Variants in TRPM4 observed in about 807,000 individuals in gnomAD.
TRPM4 encodes calcium-activated non-selective cation channel 1.
TRPM4 carries 124 observed loss-of-function variants against 135.6 expected under a neutral mutation model. The ratio of observed to expected loss-of-function variants is 0.91; its 90% CI spans 0.79 to 1.06. TRPM4 has a LOEUF of 1.06. Ranked by LOEUF, TRPM4 falls within the 50% of genes least tolerant of loss-of-function variation. TRPM4 has a pLI of 0.00. For synonymous variants in TRPM4, 745 were observed against 705.6 expected, an observed-to-expected ratio of 1.06 and a Z score of -0.88; for missense variants, 1,658 against 1,671.4, an observed-to-expected ratio of 0.99 and a Z score of 0.14.
intron 12 of TRPM4, among the ~76,000 whole-genome samples, chr19:49,186,256 A>G (rs1176392674): frequency 6.6e-6 from 1 of 152,208 alleles, no homozygotes; most frequent in Non-Finnish European, 1.5e-5. Flanking sequence ...CCGTGGCTGT[A>G]TATTGAAGCA....
At chr19:49,182,073 C>CATCCATCT (rs1311977310) in intron 10 of TRPM4, among the ~76,000 whole-genome samples, 4,223 of 142,094 alleles carry the variant, frequency 0.03, 229 homozygotes, top group African/African-American at 0.098. Flanking sequence ...TCCATCCATC[C>CATCCATCT]ATCCATCCAT....
At chr19:49,161,320 T>TC (rs1354233368) in intron 2 of TRPM4, among the ~76,000 whole-genome samples, 27 of 103,762 alleles carry the variant, frequency 2.6e-4, no homozygotes, top group East Asian at 5.6e-4. Context: ...TCTGTCTCTC[T>TC]CTCTTTTTTT....
At chr19:49,187,146 C>T (rs1968226496) in intron 12 of TRPM4, among the ~76,000 whole-genome samples, 1 of 151,616 alleles carries the variant, frequency 6.6e-6, no homozygotes, top group Non-Finnish European at 1.5e-5. Flanking sequence ...TAAAATGTCA[C>T]AGTACCCTCT....
chr19:49,188,173 T>C, intron 12 of TRPM4, among the ~76,000 whole-genome samples: 1 of 152,192 alleles, frequency 6.6e-6, no homozygotes, highest in East Asian at 1.9e-4. Flanking sequence ...ATGAACAGAA[T>C]TCCTTCCCAA....
chr19:49,158,477 G>A (rs2041562318), intron 2 of TRPM4: 2 of 584,326 alleles, frequency 3.4e-6, no homozygotes, highest in Non-Finnish European at 6.1e-6. Flanking sequence ...CAGTGTAGAC[G>A]CTCCAGGGCT....
At position 49,161,266 on chromosome 19, in the gene TRPM4, TTG is replaced by T. The variant is rs373514139; in HGVS notation, c.92+3021_92+3022del. Among the ~76,000 whole-genome samples, 348 of 150,726 alleles carry T rather than the reference TTG, an allele frequency of 2.3e-3. 1 individual carries two copies. Among genetic ancestry groups the T allele is most frequent in the African/African-American group, 8.1e-3 (334 of 41,100 alleles). On this transcript the variant is annotated intron_variant, in intron 2 of 24. Transcript: ENST00000252826. The stretch of plus-strand genomic sequence containing the variant: ...TCTATAGCCAATTGTGTGCGTGTGT[TTG>T]TGTGTGTGTGTGTTTAGAAGAGCAT...
chr19:49,157,833 C>T lies in TRPM4; in HGVS notation c.-34C>T, dbSNP rs1378757677. ...AGCCGGCGGAGGGAGCGCCGGGGCC[C>T]TGGGCTGCAGGAGGTTGCGGCGGCC... On this transcript the variant is annotated 5_prime_UTR_variant, in exon 1 of 25. Coordinates refer to ENST00000252826, the MANE Select transcript of TRPM4 (RefSeq NM_017636.4). 1.3e-6 allele frequency: 2 copies of T among 1,534,072 alleles called. No individual in the cohort carries two copies. The highest frequency in any genetic ancestry group is 2.4e-5 in the East Asian group (1 of 40,892).
chr19:49,200,837 C>G lies in TRPM4; in HGVS notation c.2953+52C>G, dbSNP rs999034344. On this transcript the variant is annotated intron_variant, in intron 19 of 24. Coordinates refer to ENST00000252826, the MANE Select transcript of TRPM4 (RefSeq NM_017636.4). ...TTCCTCTGAGTCTCTGTCCCCGCTC[C>G]CTGGGTCTCTGTCCTCCTGGCTCTA... 4.4e-6 allele frequency: 7 copies of G among 1,591,664 alleles called. No homozygotes were observed. In the African/African-American group the frequency reaches 5.4e-5, roughly 12 times the overall value.
chr19:49,163,676 G>A (rs1324500239), intron 2 of TRPM4, among the ~76,000 whole-genome samples: 1 of 151,862 alleles, frequency 6.6e-6, no homozygotes, highest in African/African-American at 2.4e-5. Context: ...AATTTTTTTT[G>A]TAGGGATGGG....
Position 49,200,452 on chromosome 19 carries a change from A to C in TRPM4, c.2778+20A>C, listed in dbSNP as rs1368597163. ...AAGATGGTGAGGCAGGGGCGGGGCC[A>C]AAGTGGGCGGGGACATAGGGAAAGG... On this transcript the variant is annotated intron_variant, in intron 18 of 24. Coordinates refer to ENST00000252826, the MANE Select transcript of TRPM4 (RefSeq NM_017636.4). The C allele has an allele frequency of 6.2e-7, 1 of 1,611,582 alleles. No individual in the cohort carries two copies. Among genetic ancestry groups the C allele is most frequent in the Admixed American group, 1.7e-5 (1 of 59,862 alleles).
intron 17 of TRPM4, 32 bp downstream of exon 17, chr19:49,196,906 C>T: frequency 6.5e-7 from 1 of 1,542,186 alleles, no homozygotes; most frequent in Non-Finnish European, 8.7e-7. Flanking sequence ...AACCCTGGCC[C>T]CTGGCCACCT....
intron 17 of TRPM4, among the ~76,000 whole-genome samples, chr19:49,198,341 A>T (rs1415354879): frequency 6.6e-6 from 1 of 152,160 alleles, no homozygotes; most frequent in Non-Finnish European, 1.5e-5. Flanking sequence ...AAATGGAAAG[A>T]TCTCAGCTTA....
Position 49,171,259 on chromosome 19 carries a change from A to C in TRPM4, c.797-98A>C. ...GAGCCTCTGAACAGAAGATTAGGAC[A>C]AGGCTGATGTTTGCCGACTCCTGGG... On this transcript the variant is annotated intron_variant, in intron 6 of 24. Coordinates refer to ENST00000252826, the MANE Select transcript of TRPM4 (RefSeq NM_017636.4). This position sits in a 1 kb window ranked among gnomAD's most constrained non-coding sequence, Gnocchi z 4.7. The C allele has an allele frequency of 8.0e-7, 1 of 1,250,462 alleles. No homozygotes were observed. Among genetic ancestry groups the C allele is most frequent in the Non-Finnish European group, 1.2e-6 (1 of 848,818 alleles). 77.5% of individuals were successfully genotyped at this position (1,250,462 alleles called of 1,614,324 possible). A position where few individuals can be genotyped will look rare whatever the true frequency, so the allele number is the denominator to read the frequency against.
Position 49,171,770 on chromosome 19 carries a change from G to C in TRPM4, c.1050+1G>C, listed in dbSNP as rs775091137. 1 of 1,608,394 alleles carries C rather than the reference G, an allele frequency of 6.2e-7. No individual in the cohort carries two copies. Among genetic ancestry groups the C allele is most frequent in the South Asian group, 1.1e-5 (1 of 90,996 alleles). ...GGACCTTGAGGTCCTGCAGGCCCAG[G>C]TATGACACTGGGGGCCCAACTCTGG... On this transcript the variant is annotated splice_donor_variant, in intron 8 of 24. Coordinates refer to ENST00000252826, the MANE Select transcript of TRPM4 (RefSeq NM_017636.4). LOFTEE classifies it high-confidence loss of function. This position sits in a 1 kb window ranked among gnomAD's most constrained non-coding sequence, Gnocchi z 4.7.
In TRPM4 at chr19:49,196,523, G is replaced by A. The variant is rs1246797940; in HGVS notation, c.2294G>A (p.Gly765Glu). ...GGTTGCTGCGGGGGCCGCTGCGGGG[G>A]GCGCCGGTGCCTACGCCGCTGGTTC... is the stretch of plus-strand genomic sequence containing the variant. ...RPGCCGGRCG[G>E]RRCLRRWFHF... is the part of the protein sequence containing the mutation. Residue 765 changes from glycine (G) to glutamate (E), a missense_variant, in exon 17 of 25, where the codon GGG (glycine) becomes GAG (glutamate). By Grantham distance (98) the Gly-to-Glu change is moderately conservative. Transcript: ENST00000252826. The A allele has an allele frequency of 1.3e-6, 2 of 1,553,960 alleles. No homozygotes were observed. Among genetic ancestry groups the A allele is most frequent in the Non-Finnish European group, 1.7e-6 (2 of 1,153,636 alleles).
chr19:49,190,289 C>T lies in TRPM4; in HGVS notation c.2101C>T (p.Pro701Ser). 1.2e-6 allele frequency: 2 copies of T among 1,613,940 alleles called. No homozygotes were observed. The highest frequency in any genetic ancestry group is 2.2e-5 in the South Asian group (2 of 91,066). Residue 701 changes from proline (P) to serine (S), a missense_variant, in exon 15 of 25, where the codon CCA (proline) becomes TCA (serine). Coordinates refer to ENST00000252826, the MANE Select transcript of TRPM4 (RefSeq NM_017636.4). ...CCTGGTTCTCGCCTTCTTTTGCCCT[C>T]CACTCATCTACACCCGCCTCATCAC... ...WALVLAFFCP[P>S]LIYTRLITFR... is the part of the protein sequence containing the mutation.
intron 9 of TRPM4, among the ~76,000 whole-genome samples, chr19:49,173,800 C>G (rs949416342): frequency 5.3e-5 from 8 of 151,894 alleles, no homozygotes; most frequent in African/African-American, 1.5e-4. Context: ...TGGGAACATA[C>G]CCGCCCACCA....
intron 12 of TRPM4, among the ~76,000 whole-genome samples, chr19:49,187,491 C>T (rs1477721518): frequency 6.6e-6 from 1 of 151,582 alleles, no homozygotes; most frequent in Non-Finnish European, 1.5e-5. Context: ...ACTACAGAAG[C>T]AGACCACCAC....
Position 49,210,608 on chromosome 19 carries a change from G to GCTGGGT in TRPM4, c.3329-96_3329-91dup. On this transcript the variant is annotated intron_variant, in intron 21 of 24. Coordinates refer to ENST00000252826, the MANE Select transcript of TRPM4 (RefSeq NM_017636.4). The surrounding 1 kb of genome is among the most constrained non-coding windows in gnomAD (Gnocchi z 4.1). ...GGGGCATGTTCTCGAATCACCAGGG[G>GCTGGGT]CTGGGTCTGGGATAGCGTGCGTGTT... 2.5e-6 allele frequency: 4 copies of GCTGGGT among 1,574,016 alleles called. No individual in the cohort carries two copies. The highest frequency in any genetic ancestry group is 3.5e-6 in the Non-Finnish European group (4 of 1,148,400).
Sources: allele counts gnomAD v4.1 joint callset (sites outside exome capture counted in the v4.1 genomes callset), GRCh38; gene constraint gnomAD v4.1.1; non-coding constraint Gnocchi (gnomAD v3.1); transcripts MANE v1.5; gene names NCBI Gene and HGNC (gene_info 2026-07-23, HGNC 2026-07-21).